Variants in MKI67 observed in about 807,000 individuals in gnomAD.
MKI67 encodes the protein marker of proliferation Ki-67, also known as proliferation marker protein Ki-67.
In MKI67, 152 loss-of-function variants were observed where a neutral mutation model predicts 233.5. The ratio of observed to expected loss-of-function variants is 0.65; its 90% confidence interval spans 0.57 to 0.74. The LOEUF (loss-of-function observed/expected upper bound fraction) is 0.74. Ranked by LOEUF, MKI67 falls within the 30% of genes least tolerant of loss-of-function variation. The pLI is 0.00. For missense variants in MKI67, 3,940 were observed against 3,885.2 expected (o/e 1.01, Z -0.37); for synonymous variants, 1,465 against 1,418.5 (o/e 1.03, Z -0.74).
At chr10:128,119,149 C>T (rs1206031132) in intron 5 of MKI67, 104 bp downstream of exon 5, 14 of 821,674 alleles carry the variant, frequency 1.7e-5, no homozygotes, top group Non-Finnish European at 2.8e-5. Flanking sequence ...ATAACAGTAA[C>T]CACCCTCTTT....
In MKI67 at chr10:128,102,704, C is replaced by A. The variant is rs1418320976; in HGVS notation, c.9136G>T (p.Val3046Phe). The change falls in exon 13 of 15, where the codon GTC becomes TTC. Residue 3046 changes from valine (V) to phenylalanine (F), a missense_variant. Coordinates refer to ENST00000368654, the MANE Select transcript of MKI67 (RefSeq NM_002417.5). ...GTCCTCAAACTTCTCTTCATGATGACCACGGGTTCGGATGATTTGCCTCTT... is the reference window on the plus strand; with the variant it reads ...GTCCTCAAACTTCTCTTCATGATGAACACGGGTTCGGATGATTTGCCTCTT... ...RARGKSSEPV[V>F]IMKRSLRTSA... 6.2e-7 allele frequency: 1 copy of A among 1,614,226 alleles called. No homozygotes were observed. Among genetic ancestry groups the A allele is most frequent in the Non-Finnish European group, 8.5e-7 (1 of 1,180,042 alleles).
Position 128,111,648 on chromosome 10 carries a change from A to G in MKI67, c.2257T>C (p.Ser753Pro). The change falls in exon 11 of 15, where the codon TCA becomes CCA. Residue 753 changes from serine to proline, a missense_variant. Ser to Pro is a moderately conservative substitution (Grantham distance 74). Transcript: ENST00000368654. The stretch of plus-strand genomic sequence containing the variant: ...AGATCTAAGACTACGTTTTTACCTG[A>G]AAGATCTTCCTTAAAGTCCATTTTT... ...NQKMDFKEDL[S>P]GIAEMFKTPV... 6 of 1,610,258 alleles carry G rather than the reference A, an allele frequency of 3.7e-6. No individual in the cohort carries two copies. Among genetic ancestry groups the G allele is most frequent in the Non-Finnish European group, 5.1e-6 (6 of 1,178,828 alleles).
intron 14 of MKI67, 103 bp from the exon 15 acceptor site, chr10:128,099,358 G>T: frequency 4.6e-6 from 3 of 647,728 alleles, no homozygotes; most frequent in South Asian, 2.8e-5. Flanking sequence ...GTATTATGCA[G>T]GTCCTTAGTT....
rs1337243207 is a variant in MKI67 at position 128,101,629 on chromosome 10, C to T, written c.9334G>A (p.Ala3112Thr). The change falls in exon 14 of 15, where the codon GCA (alanine) becomes ACA (threonine). Residue 3112 changes from alanine to threonine, a missense_variant. Transcript: ENST00000368654. ...TTTCTGTTTATTTCTATTCTTTCTG[C>T]TAATACAAAGACCTCAGTTATTTGC... ...EQQITEVFVLAERIEINRNEK... is the reference protein window; with the variant it reads ...EQQITEVFVLTERIEINRNEK... 4 of 1,613,792 alleles carry T rather than the reference C, an allele frequency of 2.5e-6. No homozygotes were observed. Among genetic ancestry groups the T allele is most frequent in the Non-Finnish European group, 2.5e-6 (3 of 1,179,972 alleles).
chr10:128,115,263 C>T lies in MKI67; in HGVS notation c.1145G>A (p.Gly382Asp), dbSNP rs778853197. ...AAGAGTTTTATCACCAGCCTTGAAGCCTTCACTTTTACCCAGATTCACAGA... is the reference window on the plus strand; with the variant it reads ...AAGAGTTTTATCACCAGCCTTGAAGTCTTCACTTTTACCCAGATTCACAGA... The part of the protein sequence containing the change: ...RESVNLGKSE[G>D]FKAGDKTLTP... The change falls in exon 7 of 15, where the codon GGC (glycine) becomes GAC (aspartate). Residue 382 changes from glycine (G) to aspartate (D), a missense_variant. Transcript: ENST00000368654. 1.2e-6 allele frequency: 2 copies of T among 1,614,188 alleles called. No homozygotes were observed. The highest frequency in any genetic ancestry group is 8.5e-7 in the Non-Finnish European group (1 of 1,180,036).
At chr10:128,123,679 C>T (rs1320536399) in intron 2 of MKI67, among the ~76,000 whole-genome samples, 1 of 152,290 alleles carries the variant, frequency 6.6e-6, no homozygotes, top group African/African-American at 2.4e-5. Context: ...TTGTACATGT[C>T]ACTAATTTGC....
At chr10:128,113,397 C>A (rs777227167) in intron 8 of MKI67, 30 bp downstream of exon 8, 5 of 1,611,206 alleles carry the variant, frequency 3.1e-6, no homozygotes, top group Middle Eastern at 1.7e-4. Context: ...AGCCACTGGG[C>A]GTGAATGGGA....
Position 128,109,410 on chromosome 10 carries a change from G to C in MKI67, c.2430C>G (p.Phe810Leu), listed in dbSNP as rs772483930. Reference sequence around the variant, plus strand: ...GTTTTGCTGCATTCTGTGCACTGAAGAACACATTTCCTCCTGAAATAAAAA... The same window carrying C: ...GTTTTGCTGCATTCTGTGCACTGAACAACACATTTCCTCCTGAAATAAAAA... ...PTSESFGGNV[F>L]FSAQNAAKQP... Residue 810 changes from phenylalanine (F) to leucine (L), a missense_variant, in exon 13 of 15, where the codon TTC becomes TTG. Physicochemically the swap from Phe to Leu is conservative, Grantham distance 22. Transcript: ENST00000368654. 2 of 1,607,376 alleles carry C rather than the reference G, an allele frequency of 1.2e-6. No individual in the cohort carries two copies. The highest frequency in any genetic ancestry group is 1.7e-6 in the Non-Finnish European group (2 of 1,176,220).
chr10:128,104,451 G>A lies in MKI67; in HGVS notation c.7389C>T (p.Ser2463=), dbSNP rs758358401. Residue 2463 remains serine, a synonymous_variant, in exon 13 of 15, where the codon TCC becomes TCT. Transcript: ENST00000368654. ...ATGACTCTGGCTGTGGAGATTTACA[G>A]GATACTTCTGTGATTTTGTCATCAG... The part of the protein sequence containing the change: ...SMTDDKITEV[S]CKSPQPESFK... 10 of 1,613,900 alleles carry A rather than the reference G, an allele frequency of 6.2e-6. No homozygotes were observed. The Admixed American group carries it at 1.7e-4, about 27-fold the overall frequency.
At chr10:128,116,090 G>T (rs1315490468) in intron 6 of MKI67, 83 bp from the exon 7 acceptor site, 6 of 1,449,618 alleles carry the variant, frequency 4.1e-6, no homozygotes, top group Non-Finnish European at 5.5e-6. Flanking sequence ...TATTTTAATT[G>T]TTTCAGGTTG....
chr10:128,112,497 T>G, intron 8 of MKI67, 52 bp from the exon 9 acceptor site: 8 of 1,510,008 alleles, frequency 5.3e-6, no homozygotes, highest in Non-Finnish European at 7.3e-6. Flanking sequence ...CTAACATCTC[T>G]GGAATGACTG....
Position 128,109,134 on chromosome 10 carries a change from C to T in MKI67, c.2706G>A (p.Glu902=), listed in dbSNP as rs139693740. 6.8e-5 allele frequency: 109 copies of T among 1,614,150 alleles called. No homozygotes were observed. The African/African-American group carries it at 1.4e-3, about 21-fold the overall frequency. ...KSEETNTEIV[E]CILKRGQKAT... The stretch of plus-strand genomic sequence containing the variant: ...CCTTCTGACCTCTTTTTAGGATGCA[C>T]TCAACAATTTCTGTATTTGTTTCTT... The change falls in exon 13 of 15, where the codon GAG becomes GAA. Residue 902 remains glutamate, a synonymous_variant. Coordinates refer to ENST00000368654, the MANE Select transcript of MKI67 (RefSeq NM_002417.5).
At chr10:128,120,292 A>G (rs914055726) in intron 4 of MKI67, among the ~76,000 whole-genome samples, 3 of 152,234 alleles carry the variant, frequency 2.0e-5, no homozygotes, top group South Asian at 2.1e-4. Flanking sequence ...AGAGTTCAAG[A>G]CCAGCCTGGC....
intron 5 of MKI67, among the ~76,000 whole-genome samples, chr10:128,118,635 T>A (rs1289487998): frequency 6.6e-6 from 1 of 152,166 alleles, no homozygotes; most frequent in South Asian, 2.1e-4. Context: ...GCTGTACAAC[T>A]AAAATACCTC....
chr10:128,120,624 A>T (rs986142812), intron 4 of MKI67, among the ~76,000 whole-genome samples: 1 of 152,216 alleles, frequency 6.6e-6, no homozygotes, highest in African/African-American at 2.4e-5. Context: ...AGAAATGACT[A>T]GGGAATTTAA....
chr10:128,120,260 G>A (rs767971519), intron 4 of MKI67, among the ~76,000 whole-genome samples: 1 of 152,192 alleles, frequency 6.6e-6, no homozygotes, highest in Non-Finnish European at 1.5e-5. Flanking sequence ...GGAGGCTGAA[G>A]CAGGTGGATC....
Position 128,107,077 on chromosome 10 carries a change from A to G in MKI67, c.4763T>C (p.Leu1588Pro), listed in dbSNP as rs748694475. Residue 1588 changes from leucine to proline, a missense_variant, in exon 13 of 15, where the codon CTG becomes CCG. By Grantham distance (98) the Leu-to-Pro change is moderately conservative (BLOSUM62 -3). Coordinates refer to ENST00000368654, the MANE Select transcript of MKI67 (RefSeq NM_002417.5). ...PKEKAQALED[L>P]AGFKELFQTR... Reference sequence around the variant, plus strand: ...CTGGAAGAGCTCTTTAAAGCCAGCCAGGTCTTCTAGAGCCTGGGCCTTTTC... The same window carrying G: ...CTGGAAGAGCTCTTTAAAGCCAGCCGGGTCTTCTAGAGCCTGGGCCTTTTC... 8.7e-6 allele frequency: 14 copies of G among 1,614,100 alleles called. No individual in the cohort carries two copies. Among genetic ancestry groups the G allele is most frequent in the Non-Finnish European group, 1.2e-5 (14 of 1,180,036 alleles).
At chr10:128,111,374 T>G (rs1003514306) in intron 11 of MKI67, 3 of 325,506 alleles carry the variant, frequency 9.2e-6, no homozygotes, top group Middle Eastern at 8.6e-4. Context: ...CAGCTTTCTA[T>G]GTATACGCTG....
Position 128,106,790 on chromosome 10 carries a change from A to G in MKI67, c.5050T>C (p.Leu1684=). 1 of 1,613,204 alleles carries G rather than the reference A, an allele frequency of 6.2e-7. No individual in the cohort carries two copies. The highest frequency in any genetic ancestry group is 8.5e-7 in the Non-Finnish European group (1 of 1,179,802). Reference sequence around the variant, plus strand: ...CCAGTTAGACTTGCTGCTGAGTCTAAGATCTGCTTTGGAGACTCCATAAAT... The same window carrying G: ...CCAGTTAGACTTGCTGCTGAGTCTAGGATCTGCTTTGGAGACTCCATAAAT... ...KAFMESPKQI[L]DSAASLTGSK... is the part of the protein sequence containing the mutation. The change falls in exon 13 of 15, where the codon TTA becomes CTA. Residue 1684 remains leucine, a synonymous_variant. Transcript: ENST00000368654.
Sources: gnomAD v4.1 joint callset for allele counts (sites outside exome capture counted in the v4.1 genomes callset) on GRCh38, gnomAD v4.1.1 for gene constraint, MANE v1.5 for transcripts, NCBI Gene and HGNC (gene_info 2026-07-23, HGNC 2026-07-21) for gene names.